The following NOS1AP variants were observed in gnomAD, a reference collection of about 807,000 sequenced individuals.
The protein encoded by NOS1AP is carboxyl-terminal PDZ ligand of neuronal nitric oxide synthase protein.
In NOS1AP, 21 loss-of-function variants were observed where a neutral mutation model predicts 56.2. That is an observed-to-expected ratio of 0.37 (90% CI 0.26 to 0.54). The LOEUF is 0.54. Among genes scored for constraint, NOS1AP ranks in the 20% least tolerant of loss-of-function variants. The probability of loss-of-function intolerance (pLI) is 0.84; values close to 1 mark genes in which losing one functional copy is unlikely to be tolerated. For synonymous variants in NOS1AP, 270 were observed against 274.6 expected, an observed-to-expected ratio of 0.98 and a Z score of 0.17; for missense variants, 522 against 657.8, an observed-to-expected ratio of 0.79 and a Z score of 2.26.
intron 2 of NOS1AP, among the ~76,000 whole-genome samples, chr1:162,202,206 G>T (rs1047642104): frequency 1.6e-4 from 24 of 151,942 alleles, no homozygotes; most frequent in Non-Finnish European, 4.4e-5. Flanking sequence ...TTTTGGATGG[G>T]GTAGCTTTAC....
At chr1:162,282,626 G>T (rs1654965985) in intron 2 of NOS1AP, among the ~76,000 whole-genome samples, 1 of 151,898 alleles carries the variant, frequency 6.6e-6, no homozygotes, top group Non-Finnish European at 1.5e-5. Flanking sequence ...TTTGGTAGAG[G>T]TGCTTATGGT....
rs2102038880 is a variant in NOS1AP, at chr1:162,109,293, A to G, written c.105+39011A>G. On this transcript the variant is annotated intron_variant, in intron 1 of 9. Transcript: ENST00000361897. ...TCTTAAGGATAACAAAGTGTTTAAC[A>G]ATTTTGAGACAACCAGGGAGAATTT... Among the ~76,000 whole-genome samples the G allele has an allele frequency of 2.6e-5, 4 of 152,348 alleles. No homozygotes were observed. The Middle Eastern group carries it at 0.014, about 518-fold the overall frequency.
intron 1 of NOS1AP, among the ~76,000 whole-genome samples, chr1:162,111,674 G>T (rs1353287980): frequency 6.6e-6 from 1 of 152,214 alleles, no homozygotes; most frequent in Non-Finnish European, 1.5e-5. Context: ...GCAGTCAGAG[G>T]CTTTCCTGAA....
Position 162,120,337 on chromosome 1 carries a change from C to A in NOS1AP, c.106-34068C>A, listed in dbSNP as rs550132820. ...AATTGAGGAATTTTTATGTAAGTGG[C>A]CAAATGATAAAAATTTATGCAGTTA... On this transcript the variant is annotated intron_variant, in intron 1 of 9. Coordinates refer to ENST00000361897, the MANE Select transcript of NOS1AP (RefSeq NM_014697.3). Among the ~76,000 whole-genome samples, 267 of 152,048 alleles carry A rather than the reference C, an allele frequency of 1.8e-3. 2 individuals carry two copies. Among genetic ancestry groups the A allele is most frequent in the Middle Eastern group, 0.017 (5 of 294 alleles).
At chr1:162,265,927 G>T (rs188650264) in intron 2 of NOS1AP, among the ~76,000 whole-genome samples, 3 of 152,222 alleles carry the variant, frequency 2.0e-5, no homozygotes, top group Non-Finnish European at 4.4e-5. Flanking sequence ...ATGTAGTGCT[G>T]CTCTGCCTAG....
intron 2 of NOS1AP, 124 bp from the exon 3 acceptor site, chr1:162,287,219 GC>G: frequency 1.4e-6 from 1 of 697,964 alleles, no homozygotes; most frequent in Non-Finnish European, 2.6e-6. Context: ...GGTGCTCCCT[GC>G]CCCCAGGAGC....
intron 8 of NOS1AP, chr1:162,360,502 T>G (rs1271818765): frequency 3.5e-6 from 1 of 289,454 alleles, no homozygotes; most frequent in East Asian, 9.4e-5. Flanking sequence ...TATTCACAGT[T>G]TGCCAATTCC....
At chr1:162,342,409 G>T in intron 5 of NOS1AP, 1 of 417,782 alleles carries the variant, frequency 2.4e-6, no homozygotes, top group South Asian at 1.8e-5. Context: ...TGGATGCTCT[G>T]GCCTGAAATA....
intron 4 of NOS1AP, among the ~76,000 whole-genome samples, chr1:162,318,620 T>G (rs1300737140): frequency 6.6e-6 from 1 of 152,156 alleles, no homozygotes; most frequent in African/African-American, 2.4e-5. Flanking sequence ...GTACTGTTAG[T>G]GGGATTCTCT....
chr1:162,148,946 C>T (rs751922684), intron 1 of NOS1AP, among the ~76,000 whole-genome samples: 5 of 152,068 alleles, frequency 3.3e-5, no homozygotes, highest in South Asian at 2.1e-4. Context: ...GAAGCACGTT[C>T]GGGGATGACT....
intron 2 of NOS1AP, among the ~76,000 whole-genome samples, chr1:162,177,201 T>C (rs1460359501): frequency 6.6e-6 from 1 of 152,166 alleles, no homozygotes; most frequent in East Asian, 1.9e-4. Context: ...GGGTGGATTA[T>C]GTGATTTGGA....
At chr1:162,179,290 G>A (rs1328761846) in intron 2 of NOS1AP, among the ~76,000 whole-genome samples, 2 of 152,114 alleles carry the variant, frequency 1.3e-5, no homozygotes, top group Non-Finnish European at 2.9e-5. Flanking sequence ...TTTTAGAGGT[G>A]GTAAAACCAA....
intron 2 of NOS1AP, among the ~76,000 whole-genome samples, chr1:162,247,929 C>T (rs1653719799): frequency 6.6e-6 from 1 of 152,132 alleles, no homozygotes; most frequent in African/African-American, 2.4e-5. Context: ...TGGATGCCAA[C>T]TTTTCAAACA....
At chr1:162,119,692 T>C (rs559580335) in intron 1 of NOS1AP, among the ~76,000 whole-genome samples, 137 of 152,308 alleles carry the variant, frequency 9.0e-4, no homozygotes, top group Non-Finnish European at 1.6e-3. Context: ...TAATTCTTTA[T>C]GCGGCTCTAG....
intron 2 of NOS1AP, among the ~76,000 whole-genome samples, chr1:162,161,410 C>T (rs958272419): frequency 6.6e-6 from 1 of 152,166 alleles, no homozygotes; most frequent in Non-Finnish European, 1.5e-5. Context: ...AATCCTGTTT[C>T]TTCTGTTTAC....
chr1:162,232,146 T>G (rs1440401493), intron 2 of NOS1AP, among the ~76,000 whole-genome samples: 1 of 152,220 alleles, frequency 6.6e-6, no homozygotes, highest in Non-Finnish European at 1.5e-5. Flanking sequence ...AATAGGTACC[T>G]TGGAAAATGG....
At chr1:162,094,273 G>T (rs1202145867) in intron 1 of NOS1AP, among the ~76,000 whole-genome samples, 5 of 152,146 alleles carry the variant, frequency 3.3e-5, no homozygotes, top group Admixed American at 1.3e-4. Context: ...ACACAGGTTG[G>T]TTCTCTTCCC....
chr1:162,336,362 C>T (rs1201031261), intron 5 of NOS1AP, among the ~76,000 whole-genome samples: 2 of 152,122 alleles, frequency 1.3e-5, no homozygotes, highest in Admixed American at 6.5e-5. Flanking sequence ...GACTGTGGAG[C>T]TCACACTCTT....
intron 3 of NOS1AP, among the ~76,000 whole-genome samples, chr1:162,297,641 G>C (rs1281601035): frequency 6.6e-6 from 1 of 152,134 alleles, no homozygotes; most frequent in Non-Finnish European, 1.5e-5. Flanking sequence ...AGATTATGGG[G>C]CGTCACCTCT....
Sources: gnomAD v4.1 joint callset for allele counts (sites outside exome capture counted in the v4.1 genomes callset) on GRCh38, gnomAD v4.1.1 for gene constraint, MANE v1.5 for transcripts, NCBI Gene and HGNC (gene_info 2026-07-23, HGNC 2026-07-21) for gene names.